The following LTA4H variants were observed in gnomAD, a reference collection of about 807,000 sequenced individuals.
LTA4H encodes the protein leukotriene A4 hydrolase, also known as leukotriene A-4 hydrolase.
In LTA4H, 59 loss-of-function variants were observed where a neutral mutation model predicts 89.8. That is an observed-to-expected ratio of 0.66 (90% CI 0.53 to 0.82). The LOEUF is 0.82. LTA4H is among the 40% of genes least tolerant of loss of function. LTA4H has a pLI of 0.00. For synonymous variants in LTA4H, 227 were observed against 253.1 expected, an observed-to-expected ratio of 0.90 and a Z score of 0.98; for missense variants, 617 against 727.0, an observed-to-expected ratio of 0.85 and a Z score of 1.74.
chr12:96,015,767 T>A, intron 10 of LTA4H, 73 bp from the exon 11 acceptor site: 1 of 1,059,202 alleles, frequency 9.4e-7, no homozygotes, highest in Non-Finnish European at 1.4e-6. Flanking sequence ...AGATATTTTC[T>A]TTTTGGCTTT....
rs548835330 is a variant in LTA4H, at chr12:96,024,115, G to A, written c.480+364C>T. Among the ~76,000 whole-genome samples, 177 of 151,778 alleles carry A rather than the reference G, an allele frequency of 1.2e-3. 1 individual carries two copies. In the Middle Eastern group the frequency reaches 0.014, roughly 12 times the overall value. ...CGGCTAATTTTTTGTGTTTTTTTTA[G>A]TACAGATGGGGTTTCACCATGTTAG... On this transcript the variant is annotated intron_variant, in intron 4 of 18. Transcript: ENST00000228740.
intron 1 of LTA4H, chr12:96,043,197 T>C (rs1264203246): frequency 1.0e-5 from 9 of 899,604 alleles, no homozygotes; most frequent in Non-Finnish European, 1.4e-5. Context: ...AGTGAGAACA[T>C]GTCGGGTAGA....
intron 10 of LTA4H, among the ~76,000 whole-genome samples, chr12:96,016,606 A>T (rs79097671): frequency 0.023 from 3,366 of 144,334 alleles, 124 homozygotes; most frequent in African/African-American, 0.079. Context: ...GTCTCCAATT[A>T]AAAAAAAAAA....
At chr12:96,006,124 A>G (rs1950194902) in intron 16 of LTA4H, among the ~76,000 whole-genome samples, 190 bp downstream of exon 16, 1 of 152,212 alleles carries the variant, frequency 6.6e-6, no homozygotes, top group African/African-American at 2.4e-5. Context: ...CCTTTCTTAC[A>G]TATTTTCATA....
chr12:96,032,779 T>C (rs1950589817), intron 1 of LTA4H, among the ~76,000 whole-genome samples: 1 of 152,242 alleles, frequency 6.6e-6, no homozygotes, highest in Non-Finnish European at 1.5e-5. Flanking sequence ...TACTTTTCTC[T>C]AGATTTGGGG....
intron 15 of LTA4H, 150 bp downstream of exon 15, chr12:96,008,944 G>GTAGA: frequency 7.5e-6 from 5 of 665,904 alleles, no homozygotes; most frequent in Non-Finnish European, 8.0e-6. Flanking sequence ...TATATTGAGA[G>GTAGA]TAGATATAAT....
At chr12:96,021,744 A>G (rs1026534816) in intron 5 of LTA4H, among the ~76,000 whole-genome samples, 1 of 152,066 alleles carries the variant, frequency 6.6e-6, no homozygotes, top group Admixed American at 6.6e-5. Context: ...GGTCAAAGAT[A>G]CATGTCTAAT....
chr12:96,036,077 A>G (rs189963689), upstream of LTA4H, among the ~76,000 whole-genome samples: 1 of 152,190 alleles, frequency 6.6e-6, no homozygotes, highest in African/African-American at 2.4e-5. Context: ...CCGGGGTTCG[A>G]TTCCCCGACG....
At chr12:96,015,794 G>A (rs1440800935) in intron 10 of LTA4H, 100 bp from the exon 11 acceptor site, 33 of 787,940 alleles carry the variant, frequency 4.2e-5, no homozygotes, top group Non-Finnish European at 6.7e-5. Context: ...GAGGAAAGCA[G>A]TTGTAAGGCA....
intron 4 of LTA4H, among the ~76,000 whole-genome samples, chr12:96,023,628 T>C (rs766688632): frequency 1.3e-5 from 2 of 152,160 alleles, no homozygotes; most frequent in Non-Finnish European, 2.9e-5. Context: ...TAAATATGGG[T>C]TGGTCCTCAT....
At chr12:96,019,120 A>T in intron 7 of LTA4H, 48 bp downstream of exon 7, 1 of 1,516,834 alleles carries the variant, frequency 6.6e-7, no homozygotes, top group Non-Finnish European at 9.0e-7. Context: ...CAAAATCTTC[A>T]ATCTACTGTC....
intron 14 of LTA4H, chr12:96,010,358 G>A (rs185134165): frequency 3.3e-5 from 5 of 152,212 alleles, no homozygotes; most frequent in South Asian, 4.2e-4. Flanking sequence ...TTAATCATAC[G>A]AATAAATAAA....
Position 96,022,090 on chromosome 12 carries a change from C to A in LTA4H, c.585+57G>T. 8.8e-7 allele frequency: 1 copy of A among 1,131,232 alleles called. No individual in the cohort carries two copies. The highest frequency in any genetic ancestry group is 1.3e-6 in the Non-Finnish European group (1 of 748,748). 70.1% of individuals were successfully genotyped at this position (1,131,232 alleles called of 1,614,324 possible). ...AGTAATTTTGCCCTCTGGATGTGTA[C>A]AAGCTAACTGTAGTTTACCGCCAAT... On this transcript the variant is annotated intron_variant, in intron 5 of 18. Coordinates refer to ENST00000228740, the MANE Select transcript of LTA4H (RefSeq NM_000895.3). The surrounding 1 kb of genome is among the most constrained non-coding windows in gnomAD (Gnocchi z 4.0).
At chr12:96,027,587 TTAGTAGAG>T (rs1270241813) in intron 2 of LTA4H, 23 bp from the exon 3 acceptor site, 1 of 1,460,614 alleles carries the variant, frequency 6.8e-7, no homozygotes, top group Non-Finnish European at 9.5e-7. Context: ...CATAAATATA[TTAGTAGAG>T]TATGATTCCA....
Position 96,035,493 on chromosome 12 carries a change from C to T in LTA4H, c.27G>A (p.Ser9=), listed in dbSNP as rs767434311. 14 of 1,608,146 alleles carry T rather than the reference C, an allele frequency of 8.7e-6. No individual in the cohort carries two copies. The highest frequency in any genetic ancestry group is 4.0e-5 in the African/African-American group (3 of 74,852). ...GGCAGACGGAAGCCGGAGAGGCCAACGAACAGGTATCCACTATCTCGGGCA... is the reference window on the plus strand; with the variant it reads ...GGCAGACGGAAGCCGGAGAGGCCAATGAACAGGTATCCACTATCTCGGGCA... MPEIVDTC[S]LASPASVCRT... The change falls in exon 1 of 19, where the codon TCG becomes TCA. Residue 9 remains serine (S), a synonymous_variant. Transcript: ENST00000228740.
Position 96,022,320 on chromosome 12 carries a change from A to G in LTA4H, c.481-69T>C. The G allele has an allele frequency of 9.9e-7, 1 of 1,008,912 alleles. No individual in the cohort carries two copies. Among genetic ancestry groups the G allele is most frequent in the Non-Finnish European group, 1.5e-6 (1 of 659,244 alleles). The allele number at this position is 1,008,912 out of a possible 1,614,324, so 62.5% of individuals were successfully genotyped here. ...CTATGTGTCTTAAACCATATATGTA[A>G]AATAACCTTTTCTTCCCATTCTTGA... On this transcript the variant is annotated intron_variant, in intron 4 of 18. Coordinates refer to ENST00000228740, the MANE Select transcript of LTA4H (RefSeq NM_000895.3). This position sits in a 1 kb window ranked among gnomAD's most constrained non-coding sequence, Gnocchi z 4.0.
intron 16 of LTA4H, among the ~76,000 whole-genome samples, chr12:96,005,531 C>T (rs573056075): frequency 1.3e-5 from 2 of 152,220 alleles, no homozygotes; most frequent in Admixed American, 6.5e-5. Context: ...CACTGACTTC[C>T]TTACCCAGTG....
At chr12:96,023,992 C>T (rs1346017263) in intron 4 of LTA4H, among the ~76,000 whole-genome samples, 1 of 151,626 alleles carries the variant, frequency 6.6e-6, no homozygotes, top group African/African-American at 2.4e-5. Flanking sequence ...TGCAGTGGTG[C>T]CATCTCAGCT....
chr12:96,042,306 C>A (rs1950693853), intron 1 of LTA4H, among the ~76,000 whole-genome samples: 1 of 152,026 alleles, frequency 6.6e-6, no homozygotes. Context: ...ACGCAGGCCT[C>A]CATAACAACT....
Sources: allele counts gnomAD v4.1 joint callset (sites outside exome capture counted in the v4.1 genomes callset), GRCh38; gene constraint gnomAD v4.1.1; non-coding constraint Gnocchi (gnomAD v3.1); transcripts MANE v1.5; gene names NCBI Gene and HGNC (gene_info 2026-07-23, HGNC 2026-07-21).